MAPK6: variants seen among roughly 807,000 people sequenced by gnomAD.
The protein encoded by MAPK6 is ERK-3.
MAPK6 carries 19 observed loss-of-function variants against 59.3 expected under a neutral mutation model. The observed-to-expected ratio is 0.32, with a 90% CI of 0.22 to 0.47. The LOEUF is 0.47. Ranked by LOEUF, MAPK6 falls within the 20% of genes least tolerant of loss-of-function variation. The pLI is 1.00. For missense variants in MAPK6, 724 were observed against 847.9 expected (o/e 0.85, Z 1.81); for synonymous variants, 316 against 290.3 (o/e 1.09, Z -0.90).
intron 3 of MAPK6, among the ~76,000 whole-genome samples, chr15:52,051,293 G>C (rs976289921): frequency 6.6e-6 from 1 of 151,836 alleles, no homozygotes; most frequent in Non-Finnish European, 1.5e-5. Context: ...TCCTGACCTC[G>C]TGATCCACCC....
At chr15:52,047,099 G>T in intron 2 of MAPK6, 84 bp downstream of exon 2, 3 of 1,028,234 alleles carry the variant, frequency 2.9e-6, no homozygotes, top group Non-Finnish European at 4.0e-6. Flanking sequence ...TTTGTATATT[G>T]TGGCAGAATT....
intron 1 of MAPK6, among the ~76,000 whole-genome samples, chr15:52,043,775 T>C (rs1595994766): frequency 7.5e-6 from 1 of 132,884 alleles, no homozygotes; most frequent in African/African-American, 3.1e-5. Context: ...TTTTTTTTTT[T>C]TGAGGCAGAG....
At chr15:52,063,021 C>T (rs921485133) in intron 5 of MAPK6, among the ~76,000 whole-genome samples, 4 of 152,182 alleles carry the variant, frequency 2.6e-5, no homozygotes, top group African/African-American at 9.7e-5. Context: ...TTACACAAAT[C>T]TGCAAACTAC....
In MAPK6 at chr15:52,031,445, A is replaced by G. The variant is rs115735869; in HGVS notation, c.-632+12069A>G. Among the ~76,000 whole-genome samples, 604 of 152,254 alleles carry G rather than the reference A, an allele frequency of 4.0e-3. 8 individuals carry two copies. The highest frequency in any genetic ancestry group is 0.014 in the African/African-American group (562 of 41,540). ...CTAAAATAAAGATTATATTTTGCCT[A>G]TTTTGCCTATTGGGAGGATTTAGTG... On this transcript the variant is annotated intron_variant, in intron 1 of 5. Coordinates refer to ENST00000261845, the MANE Select transcript of MAPK6 (RefSeq NM_002748.4).
In MAPK6 at chr15:51,974,681, A is replaced by AAAG. The variant is rs1426770347; in HGVS notation, c.-880+2775_-880+2776insAAG. On this transcript the variant is annotated intron_variant, in intron 1 of 7. Coordinates refer to the MAPK6 transcript ENST00000691380. ...CTCAAAAAAAAAAAAAAAAAAAAAA[A>AAAG]GATGATCTTGACATTTGTTCCTAGG... Among the ~76,000 whole-genome samples the AAAG allele has an allele frequency of 3.1e-3, 398 of 126,888 alleles. 35 individuals carry two copies. The highest frequency in any genetic ancestry group is 0.01 in the African/African-American group (349 of 33,840). The allele number at this position is 126,888 out of a possible 152,430, so 83.2% of individuals were successfully genotyped here.
intron 1 of MAPK6, among the ~76,000 whole-genome samples, chr15:52,030,649 A>T (rs2030994231): frequency 1.0e-5 from 1 of 97,572 alleles, no homozygotes; most frequent in Non-Finnish European, 1.8e-5. Flanking sequence ...TTTGAGGCAG[A>T]GTCTCACTCT....
intron 1 of MAPK6, among the ~76,000 whole-genome samples, chr15:52,042,022 AT>A (rs1389827746): frequency 6.6e-6 from 1 of 152,246 alleles, no homozygotes; most frequent in African/African-American, 2.4e-5. Flanking sequence ...ACAAATACTT[AT>A]CAAATACCAA....
At chr15:52,033,229 G>A (rs1301726880) in intron 1 of MAPK6, among the ~76,000 whole-genome samples, 1 of 152,148 alleles carries the variant, frequency 6.6e-6, no homozygotes, top group East Asian at 1.9e-4. Flanking sequence ...GGATGCCTAG[G>A]TAGCTGGTAA....
chr15:51,979,826 G>A (rs1422726856), intron 1 of MAPK6, among the ~76,000 whole-genome samples: 1 of 151,232 alleles, frequency 6.6e-6, no homozygotes, highest in Non-Finnish European at 1.5e-5. Flanking sequence ...GTGAATATGT[G>A]TGTGTGTCTA....
intron 5 of MAPK6, 63 bp from the exon 6 acceptor site, chr15:52,063,839 C>G: frequency 7.0e-7 from 1 of 1,421,772 alleles, no homozygotes; most frequent in Non-Finnish European, 9.5e-7. Flanking sequence ...ATAGAAGGTA[C>G]TCGGTGAATT....
upstream of MAPK6, chr15:52,017,855 A>G (rs1291243401): frequency 6.6e-6 from 1 of 152,232 alleles, no homozygotes; most frequent in Non-Finnish European, 1.5e-5. Flanking sequence ...AGTGGGGCTG[A>G]AGGTACGAGC....
chr15:51,989,346 C>T (rs923015837), intron 2 of MAPK6, among the ~76,000 whole-genome samples: 9 of 151,796 alleles, frequency 5.9e-5, no homozygotes, highest in Admixed American at 2.0e-4. Flanking sequence ...CCCAAAGTGC[C>T]GAGATTACAG....
intron 5 of MAPK6, among the ~76,000 whole-genome samples, chr15:52,063,509 AC>A (rs2032288402): frequency 8.0e-4 from 5 of 6,284 alleles, no homozygotes; most frequent in East Asian, 3.9e-3. Flanking sequence ...TTTCCAGCAA[AC>A]CTCCTCCTCT....
chr15:52,018,028 T>G (rs561923817), upstream of MAPK6: 1 of 152,164 alleles, frequency 6.6e-6, no homozygotes, highest in South Asian at 2.1e-4. Context: ...TTAACTTCAT[T>G]ACTCTGTGAT....
In MAPK6 at chr15:52,058,775, G is replaced by A. The variant is rs1464577529; in HGVS notation, c.843G>A (p.Leu281=). ...AGCCACACAAACCTTTAACTCAGCT[G>A]CTTCCAGGAATTAGTCGAGAAGGTA... ...MTEPHKPLTQ[L]LPGISREALD... is the part of the protein sequence containing the mutation. The change falls in exon 4 of 6, where the codon CTG becomes CTA. Residue 281 remains leucine, a synonymous_variant. Coordinates refer to ENST00000261845, the MANE Select transcript of MAPK6 (RefSeq NM_002748.4). 6.2e-7 allele frequency: 1 copy of A among 1,611,896 alleles called. No homozygotes were observed. The highest frequency in any genetic ancestry group is 1.3e-5 in the African/African-American group (1 of 74,834).
chr15:52,042,565 C>T (rs1043337384), intron 1 of MAPK6, among the ~76,000 whole-genome samples: 1 of 152,070 alleles, frequency 6.6e-6, no homozygotes, highest in African/African-American at 2.4e-5. Context: ...GGATGGGGGT[C>T]TTGAGTAAGG....
intron 1 of MAPK6, among the ~76,000 whole-genome samples, chr15:51,972,420 C>T (rs529815116): frequency 3.2e-5 from 3 of 92,630 alleles, no homozygotes; most frequent in South Asian, 3.0e-4. Flanking sequence ...ATTACAGGTA[C>T]GGGTATTGAT....
At chr15:52,008,206 G>A (rs969582271) in intron 3 of MAPK6, among the ~76,000 whole-genome samples, 7 of 152,090 alleles carry the variant, frequency 4.6e-5, no homozygotes, top group African/African-American at 1.7e-4. Context: ...ACTTACTGAG[G>A]AGTAAGAAAG....
In MAPK6 at chr15:52,046,495, A is replaced by C. The variant is rs1248586183; in HGVS notation, c.35A>C (p.His12Pro). ...AEKFESLMNI[H>P]GFDLGSRYMD... ...AAATTTGAAAGTCTCATGAACATTC[A>C]TGGTTTTGATCTGGGTTCTAGGTAT... Residue 12 changes from histidine to proline, a missense_variant, in exon 2 of 6, where the codon CAT becomes CCT. Physicochemically the swap from His to Pro is moderately conservative, Grantham distance 77 (BLOSUM62 -2). Coordinates refer to ENST00000261845, the MANE Select transcript of MAPK6 (RefSeq NM_002748.4). The C allele has an allele frequency of 6.2e-7, 1 of 1,609,018 alleles. No homozygotes were observed. Among genetic ancestry groups the C allele is most frequent in the Non-Finnish European group, 8.5e-7 (1 of 1,178,498 alleles).
Sources: allele counts gnomAD v4.1 joint callset (sites outside exome capture counted in the v4.1 genomes callset), GRCh38; gene constraint gnomAD v4.1.1; transcripts MANE v1.5; gene names NCBI Gene and HGNC (gene_info 2026-07-23, HGNC 2026-07-21).